COL28A1: variants seen among roughly 807,000 people sequenced by gnomAD.
COL28A1 encodes collagen alpha-1(XXVIII) chain.
Under a neutral mutation model 150.2 loss-of-function variants are expected in COL28A1, and 161 were observed. That is an observed-to-expected ratio of 1.07 (90% CI 0.94 to 1.22). The LOEUF (loss-of-function observed/expected upper bound fraction) is 1.22. COL28A1 is among the 50% of genes most tolerant of loss of function. The probability of loss-of-function intolerance (pLI) is 0.00; values close to 1 mark genes in which losing one functional copy is unlikely to be tolerated. For synonymous variants in COL28A1, 552 were observed against 469.7 expected, an observed-to-expected ratio of 1.18 and a Z score of -2.26; for missense variants, 1,617 against 1,388.3, an observed-to-expected ratio of 1.16 and a Z score of -2.62.
chr7:7,485,220 TATAG>T (rs1221747705), intron 13 of COL28A1, among the ~76,000 whole-genome samples: 3 of 152,176 alleles, frequency 2.0e-5, no homozygotes, highest in Non-Finnish European at 4.4e-5. Context: ...TGTACACATA[TATAG>T]ATATATACAT....
intron 27 of COL28A1, among the ~76,000 whole-genome samples, chr7:7,393,606 T>TA (rs1403719535): frequency 9.3e-5 from 2 of 21,400 alleles, no homozygotes; most frequent in African/African-American, 2.2e-4. Context: ...GTTTTATCTA[T>TA]AAGCCCCTTG....
chr7:7,427,228 G>A (rs893642961), intron 25 of COL28A1, among the ~76,000 whole-genome samples: 3 of 152,146 alleles, frequency 2.0e-5, no homozygotes, highest in Non-Finnish European at 4.4e-5. Context: ...CCTTTTCCTG[G>A]TCTTGGATAT....
intron 15 of COL28A1, among the ~76,000 whole-genome samples, chr7:7,461,896 C>T (rs1255241998): frequency 6.6e-6 from 1 of 152,166 alleles, no homozygotes; most frequent in Non-Finnish European, 1.5e-5. Context: ...ACAACTGATG[C>T]TCTCTTGAAA....
intron 15 of COL28A1, among the ~76,000 whole-genome samples, chr7:7,460,455 C>T (rs914925770): frequency 6.6e-6 from 1 of 151,982 alleles, no homozygotes; most frequent in African/African-American, 2.4e-5. Context: ...AATCTTGGCT[C>T]ACTGCAAGCT....
At position 7,453,444 on chromosome 7, in the gene COL28A1, GA is replaced by G; in HGVS notation, c.1435del (p.Ser479ProfsTer5). 8.3e-7 allele frequency: 1 copy of G among 1,198,196 alleles called. No individual in the cohort carries two copies. The highest frequency in any genetic ancestry group is 1.2e-6 in the Non-Finnish European group (1 of 800,282). 74.2% of individuals were successfully genotyped at this position (1,198,196 alleles called of 1,614,324 possible). On this transcript the variant is annotated frameshift_variant, in exon 17 of 35. Transcript: ENST00000399429. LOFTEE classifies it high-confidence loss of function. ...QGPAGQGLPG[S>X]KGEVGQMGPT... ...CGCTCTCATTTACAAAGTTACCTTG[GA>G]ACCAGGTAAGCCCTGTCCTGCGGGC...
chr7:7,529,064 G>C (rs888762498), intron 3 of COL28A1, among the ~76,000 whole-genome samples: 3 of 152,000 alleles, frequency 2.0e-5, no homozygotes, highest in African/African-American at 7.3e-5. Context: ...CACTTTGGGA[G>C]GCCGAGGCGG....
At chr7:7,507,352 A>G (rs559947899) in intron 9 of COL28A1, among the ~76,000 whole-genome samples, 191 bp from the exon 10 acceptor site, 3 of 152,252 alleles carry the variant, frequency 2.0e-5, no homozygotes, top group Non-Finnish European at 2.9e-5. Flanking sequence ...TTCCTTCAGT[A>G]AACAATCTCC....
chr7:7,532,361 T>C (rs1313837020), intron 2 of COL28A1, among the ~76,000 whole-genome samples: 1 of 151,992 alleles, frequency 6.6e-6, no homozygotes, highest in East Asian at 1.9e-4. Context: ...CAAGAGTAAG[T>C]GGAGAAGAAA....
chr7:7,370,821 T>A lies in COL28A1; in HGVS notation c.2970A>T (p.Gln990His), dbSNP rs1288624731. 1 of 1,613,590 alleles carries A rather than the reference T, an allele frequency of 6.2e-7. No homozygotes were observed. The highest frequency in any genetic ancestry group is 1.7e-5 in the Admixed American group (1 of 59,986). Residue 990 changes from glutamine (Q) to histidine (H), a missense_variant, in exon 33 of 35, where the codon CAA becomes CAT. By Grantham distance (24) the Gln-to-His change is conservative. Coordinates refer to ENST00000399429, the MANE Select transcript of COL28A1 (RefSeq NM_001037763.3). ...ICEDFDSYLV[Q>H]IFGSSSPQPG... is the part of the protein sequence containing the mutation. ...GTTGAGGTGACGATGAACCAAAAATTTGAACGAGATAGGAATCAAAATCCT... is the reference window on the plus strand; with the variant it reads ...GTTGAGGTGACGATGAACCAAAAATATGAACGAGATAGGAATCAAAATCCT...
At chr7:7,529,149 C>T (rs1583579366) in intron 3 of COL28A1, among the ~76,000 whole-genome samples, 2 of 151,784 alleles carry the variant, frequency 1.3e-5, no homozygotes, top group African/African-American at 4.8e-5. Flanking sequence ...ATGAGCCGGG[C>T]ATGGTGGCAG....
chr7:7,529,507 G>A (rs191558129), intron 3 of COL28A1, among the ~76,000 whole-genome samples: 3 of 152,204 alleles, frequency 2.0e-5, no homozygotes, highest in Admixed American at 6.5e-5. Context: ...AGCTGAAGTC[G>A]CCGGATGCTA....
intron 11 of COL28A1, among the ~76,000 whole-genome samples, chr7:7,502,179 C>A (rs543091250): frequency 1.3e-5 from 2 of 152,130 alleles, no homozygotes; most frequent in Admixed American, 6.5e-5. Flanking sequence ...GGATTACAGG[C>A]GTGAGCCACT....
intron 11 of COL28A1, among the ~76,000 whole-genome samples, chr7:7,497,994 C>CTT (rs1780312636): frequency 6.6e-6 from 1 of 152,122 alleles, no homozygotes; most frequent in South Asian, 2.1e-4. Flanking sequence ...CGTACTTGTG[C>CTT]TTTCTAAAGC....
chr7:7,495,951 C>A (rs1780186980), intron 11 of COL28A1, among the ~76,000 whole-genome samples: 1 of 152,194 alleles, frequency 6.6e-6, no homozygotes, highest in South Asian at 2.1e-4. Context: ...ACTCCCCACC[C>A]CAGCAACATT....
chr7:7,432,495 C>T lies in COL28A1; in HGVS notation c.1976G>A (p.Gly659Glu), dbSNP rs755509715. Residue 659 changes from glycine to glutamate, a missense_variant, in exon 25 of 35, where the codon GGA becomes GAA. By Grantham distance (98) the Gly-to-Glu change is moderately conservative. Coordinates refer to ENST00000399429, the MANE Select transcript of COL28A1 (RefSeq NM_001037763.3). ...PGPPGPMGLR[G>E]VGDTGAKGEP... ...TACCTTTGCTCCAGTGTCTCCCACT[C>T]CACGTAAACCCATCGGCCCAGGGGG... 1.9e-6 allele frequency: 3 copies of T among 1,614,000 alleles called. No homozygotes were observed. The highest frequency in any genetic ancestry group is 2.5e-6 in the Non-Finnish European group (3 of 1,180,010).
At chr7:7,497,269 G>C (rs1780270954) in intron 11 of COL28A1, among the ~76,000 whole-genome samples, 1 of 152,132 alleles carries the variant, frequency 6.6e-6, no homozygotes, top group Non-Finnish European at 1.5e-5. Context: ...GTCTACATTA[G>C]TATAAAGTTG....
At chr7:7,461,779 T>G (rs890529982) in intron 15 of COL28A1, among the ~76,000 whole-genome samples, 12 of 152,154 alleles carry the variant, frequency 7.9e-5, no homozygotes, top group African/African-American at 2.7e-4. Context: ...CTAGCCTTGC[T>G]CCCGCCTAAT....
In COL28A1 at chr7:7,438,275, T is replaced by A. The variant is rs1044784085; in HGVS notation, c.1723-813A>T. Among the ~76,000 whole-genome samples, 19 of 152,180 alleles carry A rather than the reference T, an allele frequency of 1.2e-4. No individual in the cohort carries two copies. In the South Asian group the frequency reaches 2.7e-3, roughly 22 times the overall value. On this transcript the variant is annotated intron_variant, in intron 21 of 34. Transcript: ENST00000399429. Reference sequence around the variant, plus strand: ...TCAAAAAAAAGAACCCCTATGATTTTAAAAAAATGACATTTTTAATAGAAA... The same window carrying A: ...TCAAAAAAAAGAACCCCTATGATTTAAAAAAAATGACATTTTTAATAGAAA...
intron 25 of COL28A1, chr7:7,431,791 C>A: frequency 3.4e-6 from 1 of 292,272 alleles, no homozygotes; most frequent in East Asian, 9.0e-5. Flanking sequence ...TTTTTACAGC[C>A]CACGTAAGAG....
Sources: gnomAD v4.1 joint callset for allele counts (sites outside exome capture counted in the v4.1 genomes callset) on GRCh38, gnomAD v4.1.1 for gene constraint, MANE v1.5 for transcripts, NCBI Gene and HGNC (gene_info 2026-07-23, HGNC 2026-07-21) for gene names.